The following PACRG variants were observed in gnomAD, a reference collection of about 807,000 sequenced individuals.
PACRG encodes parkin coregulated.
PACRG carries 29 observed loss-of-function variants against 29.7 expected under a neutral mutation model. The observed-to-expected ratio is 0.98, with a 90% confidence interval of 0.73 to 1.33. The LOEUF (loss-of-function observed/expected upper bound fraction) is 1.33. PACRG is among the 40% of genes most tolerant of loss of function. The pLI is 0.00. For missense variants in PACRG, 279 were observed against 316.2 expected (o/e 0.88, Z 0.89); for synonymous variants, 116 against 118.7 (o/e 0.98, Z 0.15).
chr6:163,059,098 TA>T (rs1013910901), intron 2 of PACRG, among the ~76,000 whole-genome samples: 4 of 150,162 alleles, frequency 2.7e-5, no homozygotes, highest in African/African-American at 4.9e-5. Flanking sequence ...AAAAAAAAGT[TA>T]AAAAAAAAGA....
intron 4 of PACRG, among the ~76,000 whole-genome samples, chr6:163,097,215 AGTT>A (rs748769502): frequency 1.3e-5 from 2 of 152,278 alleles, no homozygotes; most frequent in East Asian, 3.9e-4. Context: ...AATCTTTCCA[AGTT>A]GTTGTGGCCA....
chr6:162,785,980 T>C (rs1338685295), intron 1 of PACRG, among the ~76,000 whole-genome samples: 1 of 152,176 alleles, frequency 6.6e-6, no homozygotes, highest in Non-Finnish European at 1.5e-5. Context: ...AAGGAATTTC[T>C]CCCATCACAA....
chr6:163,150,418 C>T (rs1481678225), intron 4 of PACRG, among the ~76,000 whole-genome samples: 3 of 152,164 alleles, frequency 2.0e-5, no homozygotes, highest in Admixed American at 6.5e-5. Context: ...TGGGACCTTA[C>T]CTTCCTGCTC....
intron 2 of PACRG, among the ~76,000 whole-genome samples, chr6:162,872,491 T>C (rs1465999506): frequency 6.6e-6 from 1 of 152,216 alleles, no homozygotes; most frequent in Non-Finnish European, 1.5e-5. Flanking sequence ...CTTACTTTTG[T>C]CTATAAGAAA....
chr6:163,089,259 A>T lies in PACRG; in HGVS notation c.464A>T (p.Asn155Ile), dbSNP rs750215824. The change falls in exon 4 of 5, where the codon AAT becomes ATT. Residue 155 changes from asparagine to isoleucine, a missense_variant and splice_region_variant. Asn to Ile is a moderately radical substitution (Grantham distance 149). Coordinates refer to ENST00000366888, the MANE Select transcript of PACRG (RefSeq NM_001080379.2). ...GCTTGGTCCTTCTTTTACCATATAG[A>T]TGCCTTGAACCTCCGAAACCGACAG... ...VLPQLIIPIK[N>I]ALNLRNRQVI... 6.2e-7 allele frequency: 1 copy of T among 1,613,318 alleles called. No individual in the cohort carries two copies. Among genetic ancestry groups the T allele is most frequent in the Non-Finnish European group, 8.5e-7 (1 of 1,179,548 alleles).
chr6:162,730,058 T>TCTCC lies in PACRG; in HGVS notation c.156+1670_156+1671insCCTC, dbSNP rs1339587834. Reference sequence around the variant, plus strand: ...CATCTATTTATTCAGTCAACAACTGTCTCTCTTTTTTTTTTTTTTAATACC... The same window carrying TCTCC: ...CATCTATTTATTCAGTCAACAACTGTCTCCCTCTCTTTTTTTTTTTTTTAATACC... On this transcript the variant is annotated intron_variant, in intron 1 of 4. Transcript: ENST00000366888. Among the ~76,000 whole-genome samples, 6 of 36,400 alleles carry TCTCC rather than the reference T, an allele frequency of 1.6e-4. No individual in the cohort carries two copies. In the East Asian group the frequency reaches 5.9e-3, roughly 36 times the overall value. 23.9% of individuals were successfully genotyped at this position (36,400 alleles called of 152,430 possible).
At chr6:163,282,548 TA>T (rs1784256279) in intron 4 of PACRG, among the ~76,000 whole-genome samples, 1 of 151,804 alleles carries the variant, frequency 6.6e-6, no homozygotes, top group Non-Finnish European at 1.5e-5. Flanking sequence ...CCATCTCTAC[TA>T]AAAATACAAA....
At chr6:163,198,667 C>T (rs974918341) in intron 4 of PACRG, among the ~76,000 whole-genome samples, 3 of 152,078 alleles carry the variant, frequency 2.0e-5, no homozygotes, top group African/African-American at 2.4e-5. Context: ...GCATCTGCCC[C>T]GGTGTTTGAT....
chr6:162,832,183 T>A (rs1788834182), intron 2 of PACRG, among the ~76,000 whole-genome samples: 1 of 152,228 alleles, frequency 6.6e-6, no homozygotes, highest in Admixed American at 6.5e-5. Flanking sequence ...CTTCTTGACT[T>A]TTCAATACTC....
intron 2 of PACRG, among the ~76,000 whole-genome samples, chr6:162,973,702 TA>T (rs1343412193): frequency 6.6e-6 from 1 of 152,136 alleles, no homozygotes; most frequent in East Asian, 1.9e-4. Context: ...AAAGAAGAAC[TA>T]AAAAAGTGCT....
chr6:162,983,568 A>ATC (rs1251409827), intron 2 of PACRG, among the ~76,000 whole-genome samples: 1 of 121,452 alleles, frequency 8.2e-6, no homozygotes, highest in East Asian at 3.9e-4. Flanking sequence ...TCATTTAGGA[A>ATC]TCAGTTTTGC....
At chr6:163,132,287 C>T (rs534857806) in intron 4 of PACRG, among the ~76,000 whole-genome samples, 6 of 152,236 alleles carry the variant, frequency 3.9e-5, no homozygotes, top group Non-Finnish European at 7.4e-5. Flanking sequence ...ATTTACTCAT[C>T]AGTAAATTTA....
intron 4 of PACRG, among the ~76,000 whole-genome samples, chr6:163,184,146 C>G (rs1189534348): frequency 6.6e-6 from 1 of 152,188 alleles, no homozygotes; most frequent in Non-Finnish European, 1.5e-5. Context: ...CCTTAAGCTG[C>G]AGATAAAAGA....
chr6:162,914,642 T>G (rs1248669049), intron 2 of PACRG, among the ~76,000 whole-genome samples: 1 of 151,240 alleles, frequency 6.6e-6, no homozygotes, highest in East Asian at 1.9e-4. Context: ...AGGATTGCAT[T>G]GAATCTATAG....
chr6:163,297,579 G>T (rs924212310), intron 4 of PACRG, among the ~76,000 whole-genome samples: 2 of 151,960 alleles, frequency 1.3e-5, no homozygotes, highest in Admixed American at 1.3e-4. Context: ...ATCTTTAGAG[G>T]CTCCCCATAC....
At chr6:163,253,485 G>T (rs116257931) in intron 4 of PACRG, among the ~76,000 whole-genome samples, 7 of 152,112 alleles carry the variant, frequency 4.6e-5, no homozygotes, top group Non-Finnish European at 1.0e-4. Context: ...CTAAATGTCT[G>T]TCTATCTAAA....
chr6:162,928,910 C>A (rs1014456626), intron 2 of PACRG, among the ~76,000 whole-genome samples: 6 of 151,896 alleles, frequency 4.0e-5, no homozygotes, highest in Non-Finnish European at 7.4e-5. Context: ...AACATAATGA[C>A]CATGAGTTCC....
chr6:163,072,544 G>A (rs1039795739), intron 3 of PACRG, among the ~76,000 whole-genome samples: 8 of 152,098 alleles, frequency 5.3e-5, no homozygotes, highest in African/African-American at 1.7e-4. Context: ...CCTAAAATCA[G>A]GAACACGACA....
Position 163,248,703 on chromosome 6 carries a change from G to C in PACRG, c.614-66124G>C, listed in dbSNP as rs559680902. Among the ~76,000 whole-genome samples, 2 of 152,256 alleles carry C rather than the reference G, an allele frequency of 1.3e-5. 1 individual carries two copies. The highest frequency in any genetic ancestry group is 4.8e-5 in the African/African-American group (2 of 41,546). On this transcript the variant is annotated intron_variant, in intron 4 of 4. Transcript: ENST00000366888. ...AACTATTAGGTTTTCTGATAGCCTT[G>C]AGTAAGCAATGACATGTGCTTCTTT...
Sources: gnomAD v4.1 joint callset for allele counts (sites outside exome capture counted in the v4.1 genomes callset) on GRCh38, gnomAD v4.1.1 for gene constraint, MANE v1.5 for transcripts, NCBI Gene and HGNC (gene_info 2026-07-23, HGNC 2026-07-21) for gene names.